The following TPD52L2 variants were observed in gnomAD, a reference collection of about 807,000 sequenced individuals.
TPD52L2 encodes TPD52 like 2.
Under a neutral mutation model 24.7 loss-of-function variants are expected in TPD52L2, and 19 were observed. The observed-to-expected ratio is 0.77, with a 90% confidence interval of 0.54 to 1.13. The LOEUF (loss-of-function observed/expected upper bound fraction) is 1.13. Among genes scored for constraint, TPD52L2 ranks in the 50% most tolerant of loss-of-function variants. TPD52L2 has a pLI of 0.00. For synonymous variants in TPD52L2, 104 were observed against 100.2 expected (o/e 1.04, Z -0.23); for missense variants, 236 against 250.4 (o/e 0.94, Z 0.39).
intron 6 of TPD52L2, among the ~76,000 whole-genome samples, chr20:63,889,470 ACACTGCCCTTCCTGGTCCC>A (rs3838939): frequency 0.16 from 24,051 of 151,388 alleles, 2,125 homozygotes; most frequent in East Asian, 0.2. Flanking sequence ...GAACGCCTCC[ACACTGCCCTTCCTGGTCCC>A]CACTGCCCTT....
chr20:63,874,338 C>T (rs1022861144), intron 3 of TPD52L2, among the ~76,000 whole-genome samples: 1 of 150,866 alleles, frequency 6.6e-6, no homozygotes, highest in Admixed American at 6.6e-5. Context: ...CCTCAGCCTC[C>T]CAAAGTGCTG....
Position 63,865,389 on chromosome 20 carries a change from C to T in TPD52L2, c.19+5C>T. 1.3e-6 allele frequency: 2 copies of T among 1,530,222 alleles called. No individual in the cohort carries two copies. The highest frequency in any genetic ancestry group is 1.4e-5 in the African/African-American group (1 of 72,158). 94.8% of individuals were successfully genotyped at this position (1,530,222 alleles called of 1,614,324 possible). A position where few individuals can be genotyped will look rare whatever the true frequency, so the allele number is the denominator to read the frequency against. ...ACATGGACTCCGCCGGCCAAGGTAC[C>T]TGCCGGGCCCGGCCCCTTCGCCGCA... On this transcript the variant is annotated splice_donor_5th_base_variant and intron_variant, in intron 1 of 6. Transcript: ENST00000346249.
chr20:63,867,749 C>T (rs1253106616), intron 1 of TPD52L2, among the ~76,000 whole-genome samples: 2 of 149,788 alleles, frequency 1.3e-5, no homozygotes, highest in Admixed American at 6.6e-5. Flanking sequence ...TTTGTGTTGT[C>T]TTTTAAAAGG....
chr20:63,870,426 A>G (rs2052414589), intron 2 of TPD52L2, among the ~76,000 whole-genome samples: 1 of 152,122 alleles, frequency 6.6e-6, no homozygotes. Context: ...CAGGAAGTCC[A>G]AGGACACTTT....
intron 5 of TPD52L2, among the ~76,000 whole-genome samples, chr20:63,883,769 C>T (rs182721532): frequency 1.7e-3 from 264 of 152,036 alleles, no homozygotes; most frequent in Admixed American, 3.3e-3. Flanking sequence ...CCCCTCTTCC[C>T]CTCTTGTGGC....
intron 2 of TPD52L2, 87 bp downstream of exon 2, chr20:63,869,528 G>T (rs1414200657): frequency 1.3e-6 from 2 of 1,549,502 alleles, no homozygotes; most frequent in Non-Finnish European, 8.8e-7. Flanking sequence ...GGCCACGCTC[G>T]GGAGGAATTG....
chr20:63,879,486 C>T (rs1018493430), intron 4 of TPD52L2, among the ~76,000 whole-genome samples: 1 of 152,124 alleles, frequency 6.6e-6, no homozygotes, highest in Non-Finnish European at 1.5e-5. Context: ...CTTACCCACC[C>T]ACAGGTCACG....
rs1261226097 is a variant in TPD52L2, at chr20:63,877,354, T to A, written c.374+1479T>A. ...TTTTGTATTTTTAGTAGAGACAGGG[T>A]TTCATGGTGTTAGCCAGGATGGTTT... On this transcript the variant is annotated intron_variant, in intron 4 of 6. Coordinates refer to ENST00000346249, the MANE Select transcript of TPD52L2 (RefSeq NM_003288.4). The surrounding 1 kb of genome is among the most constrained non-coding windows in gnomAD (Gnocchi z 4.1). 3.6e-6 allele frequency: 1 copy of A among 277,850 alleles called. No individual in the cohort carries two copies. Among genetic ancestry groups the A allele is most frequent in the African/African-American group, 2.3e-5 (1 of 43,448 alleles). 17.2% of individuals were successfully genotyped at this position (277,850 alleles called of 1,614,324 possible).
intron 5 of TPD52L2, chr20:63,886,043 G>T (rs2053081554): frequency 2.5e-6 from 4 of 1,613,964 alleles, no homozygotes; most frequent in Non-Finnish European, 3.4e-6. Context: ...ACTCCTTTAG[G>T]TAAGGCTGAG....
chr20:63,872,439 A>T (rs754610612), intron 2 of TPD52L2, among the ~76,000 whole-genome samples: 10 of 152,076 alleles, frequency 6.6e-5, no homozygotes, highest in Non-Finnish European at 1.5e-4. Flanking sequence ...GTGCAGTGGC[A>T]TGATCTCGGC....
chr20:63,883,147 G>A (rs1341775201), intron 5 of TPD52L2, among the ~76,000 whole-genome samples: 1 of 152,200 alleles, frequency 6.6e-6, no homozygotes, highest in Non-Finnish European at 1.5e-5. Flanking sequence ...CAGCCCAGGG[G>A]TCAGAGTCAG....
At chr20:63,866,228 C>G (rs1353007920) in intron 1 of TPD52L2, among the ~76,000 whole-genome samples, 1 of 151,876 alleles carries the variant, frequency 6.6e-6, no homozygotes. Context: ...CCTCAGCCTC[C>G]TGAGTAGCTG....
At chr20:63,889,377 C>A (rs930564004) in intron 6 of TPD52L2, 139 bp downstream of exon 6, 2 of 805,426 alleles carry the variant, frequency 2.5e-6, no homozygotes, top group Admixed American at 2.0e-5. Context: ...GTGCCTTTTA[C>A]ACAGTTCTCT....
At chr20:63,866,165 C>T (rs1401016980) in intron 1 of TPD52L2, among the ~76,000 whole-genome samples, 1 of 151,918 alleles carries the variant, frequency 6.6e-6, no homozygotes, top group African/African-American at 2.4e-5. Flanking sequence ...AGTGCAGTGG[C>T]GCGATCTCAG....
Position 63,873,751 on chromosome 20 carries a change from C to T in TPD52L2, c.249C>T (p.Leu83=), listed in dbSNP as rs373485402. 7 of 1,604,726 alleles carry T rather than the reference C, an allele frequency of 4.4e-6. No individual in the cohort carries two copies. Among genetic ancestry groups the T allele is most frequent in the Non-Finnish European group, 5.1e-6 (6 of 1,176,342 alleles). The part of the protein sequence containing the change: ...HCGELKRRLG[L]STLGELKQNL... ...GAGAGCTCAAGAGGAGGCTGGGCCT[C>T]TCCACCCTGGGGGAGCTGAAACAGA... is the stretch of plus-strand genomic sequence containing the variant. Residue 83 remains leucine (L), a synonymous_variant, in exon 3 of 7, where the codon CTC becomes CTT. Coordinates refer to ENST00000346249, the MANE Select transcript of TPD52L2 (RefSeq NM_003288.4).
In TPD52L2 at chr20:63,890,216, G is replaced by C; in HGVS notation, c.*271G>C. 1 of 668,148 alleles carries C rather than the reference G, an allele frequency of 1.5e-6. No individual in the cohort carries two copies. Among genetic ancestry groups the C allele is most frequent in the Non-Finnish European group, 2.4e-6 (1 of 420,436 alleles). The allele number at this position is 668,148 out of a possible 1,614,324, so 41.4% of individuals were successfully genotyped here. On this transcript the variant is annotated 3_prime_UTR_variant, in exon 7 of 7. Coordinates refer to ENST00000346249, the MANE Select transcript of TPD52L2 (RefSeq NM_003288.4). ...GTGCAGGAAGTGGACAGGGCGGAGG[G>C]TTTGAAAGAATATTGAGCCAAAGCC...
intron 3 of TPD52L2, 69 bp from the exon 4 acceptor site, chr20:63,875,747 C>A (rs2146204737): frequency 1.3e-6 from 2 of 1,516,630 alleles, no homozygotes; most frequent in Non-Finnish European, 1.8e-6. Flanking sequence ...CCTGGAACTT[C>A]ACCTGCAGTT....
chr20:63,876,320 G>C (rs1488891089), intron 4 of TPD52L2, among the ~76,000 whole-genome samples: 1 of 152,102 alleles, frequency 6.6e-6, no homozygotes, highest in East Asian at 1.9e-4. Context: ...CCTCCTTTAG[G>C]GGTAGTTCTT....
rs1048858480 is a variant in TPD52L2 at position 63,885,952 on chromosome 20, G to A, written c.476+3132G>A. ...CCTGGGGCTCCCCGAGGAGGGCTGT[G>A]AGTGGGTGCTGGCCTCCCTTGCTTA... On this transcript the variant is annotated intron_variant, in intron 5 of 6. Coordinates refer to ENST00000346249, the MANE Select transcript of TPD52L2 (RefSeq NM_003288.4). 9 of 1,576,614 alleles carry A rather than the reference G, an allele frequency of 5.7e-6. No individual in the cohort carries two copies. The Admixed American group carries it at 8.3e-5, about 15-fold the overall frequency.
Sources: allele counts gnomAD v4.1 joint callset (sites outside exome capture counted in the v4.1 genomes callset), GRCh38; gene constraint gnomAD v4.1.1; non-coding constraint Gnocchi (gnomAD v3.1); transcripts MANE v1.5; gene names NCBI Gene and HGNC (gene_info 2026-07-23, HGNC 2026-07-21).